The following ST6GALNAC3 variants were observed in gnomAD, a reference collection of about 807,000 sequenced individuals.
The protein encoded by ST6GALNAC3 is ST6 N-acetylgalactosaminide alpha-2,6-sialyltransferase 3, also known as alpha-N-acetylgalactosaminide alpha-2,6-sialyltransferase 3.
A neutral mutation model predicts 32.7 loss-of-function variants in ST6GALNAC3; 25 were observed. That is an observed-to-expected ratio of 0.76 (90% CI 0.56 to 1.07). ST6GALNAC3 has a LOEUF of 1.07. ST6GALNAC3 is among the 50% of genes least tolerant of loss of function. ST6GALNAC3 has a pLI of 0.00. For synonymous variants in ST6GALNAC3, 129 were observed against 133.1 expected, an observed-to-expected ratio of 0.97 and a Z score of 0.21; for missense variants, 355 against 382.4, an observed-to-expected ratio of 0.93 and a Z score of 0.60.
intron 2 of ST6GALNAC3, among the ~76,000 whole-genome samples, chr1:76,365,135 A>G (rs1570976412): frequency 1.3e-5 from 2 of 152,260 alleles, no homozygotes; most frequent in Non-Finnish European, 1.5e-5. Flanking sequence ...ATGGAATACT[A>G]CGCAGCCATA....
At chr1:76,616,965 T>G (rs900296047) in intron 3 of ST6GALNAC3, among the ~76,000 whole-genome samples, 50 of 152,202 alleles carry the variant, frequency 3.3e-4, no homozygotes, top group Non-Finnish European at 6.8e-4. Context: ...TATGTGTGGC[T>G]CATTGCTTAG....
intron 1 of ST6GALNAC3, among the ~76,000 whole-genome samples, chr1:76,151,708 G>T (rs924989900): frequency 6.6e-6 from 1 of 152,220 alleles, no homozygotes; most frequent in African/African-American, 2.4e-5. Context: ...GTAAGGAGGT[G>T]CAGGGGCTGG....
chr1:76,277,603 TATATATATACACACACAC>T (rs1557747351), intron 1 of ST6GALNAC3, among the ~76,000 whole-genome samples: 24 of 59,768 alleles, frequency 4.0e-4, no homozygotes, highest in African/African-American at 2.6e-3. Flanking sequence ...TATATATATA[TATATATATACACACACAC>T]ACACACACAC....
At chr1:76,563,037 T>C (rs1434616681) in intron 3 of ST6GALNAC3, among the ~76,000 whole-genome samples, 1 of 152,214 alleles carries the variant, frequency 6.6e-6, no homozygotes, top group African/African-American at 2.4e-5. Context: ...ACTCCTGTCA[T>C]TCAGTTTAAT....
In ST6GALNAC3 at chr1:76,159,800, A is replaced by G. The variant is rs548957357; in HGVS notation, c.18+84916A>G. Among the ~76,000 whole-genome samples the G allele has an allele frequency of 4.6e-5, 7 of 152,374 alleles. No individual in the cohort carries two copies. In the South Asian group the frequency reaches 1.0e-3, roughly 23 times the overall value. Reference sequence around the variant, plus strand: ...AATTCACAGAATACCTACACATGCCATAAACTGTGCTAAGGGTTTTCCATG... The same window carrying G: ...AATTCACAGAATACCTACACATGCCGTAAACTGTGCTAAGGGTTTTCCATG... On this transcript the variant is annotated intron_variant, in intron 1 of 4. Coordinates refer to ENST00000328299, the MANE Select transcript of ST6GALNAC3 (RefSeq NM_152996.4).
At chr1:76,300,460 A>G (rs183136982) in intron 1 of ST6GALNAC3, among the ~76,000 whole-genome samples, 1 of 152,148 alleles carries the variant, frequency 6.6e-6, no homozygotes, top group South Asian at 2.1e-4. Flanking sequence ...TGATCACTAA[A>G]AAATGGATGT....
At chr1:76,455,578 G>A (rs1368364859) in intron 3 of ST6GALNAC3, among the ~76,000 whole-genome samples, 2 of 152,106 alleles carry the variant, frequency 1.3e-5, no homozygotes, top group African/African-American at 4.8e-5. Flanking sequence ...GTATGGATTT[G>A]GGGCTTTCAG....
chr1:76,434,836 G>A (rs1656028492), intron 3 of ST6GALNAC3, among the ~76,000 whole-genome samples: 1 of 138,134 alleles, frequency 7.2e-6, no homozygotes, highest in Non-Finnish European at 1.5e-5. Flanking sequence ...TGTCACCCAG[G>A]CTGGAATGCA....
At chr1:76,413,204 T>C (rs1654388633) in intron 3 of ST6GALNAC3, among the ~76,000 whole-genome samples, 1 of 152,130 alleles carries the variant, frequency 6.6e-6, no homozygotes, top group African/African-American at 2.4e-5. Context: ...TTGTGTGCCA[T>C]GTTTTCTTTC....
intron 2 of ST6GALNAC3, among the ~76,000 whole-genome samples, chr1:76,361,166 C>G (rs548573153): frequency 6.6e-6 from 1 of 152,028 alleles, no homozygotes; most frequent in South Asian, 2.1e-4. Flanking sequence ...TAAAATAGAT[C>G]TTCAGAAGTT....
At position 76,275,084 on chromosome 1, in the gene ST6GALNAC3, C is replaced by A. The variant is rs1659060590; in HGVS notation, c.19-38721C>A. ...TTCCAAGATGTGTTAAGTGCAATTC[C>A]AGCTTCTCGGCTTTTGATAGATGTT... On this transcript the variant is annotated intron_variant, in intron 1 of 4. Transcript: ENST00000328299. 2.0e-5 allele frequency among the ~76,000 whole-genome samples: 3 copies of A among 152,190 alleles called. 1 individual carries two copies. The highest frequency in any genetic ancestry group is 2.0e-4 in the Admixed American group (3 of 15,276).
At chr1:76,347,354 T>C (rs1351333477) in intron 2 of ST6GALNAC3, among the ~76,000 whole-genome samples, 2 of 152,262 alleles carry the variant, frequency 1.3e-5, no homozygotes, top group East Asian at 3.9e-4. Flanking sequence ...CATCCATTCA[T>C]CCACCCACCC....
chr1:76,599,787 A>T (rs992463181), intron 3 of ST6GALNAC3, among the ~76,000 whole-genome samples: 2 of 150,884 alleles, frequency 1.3e-5, no homozygotes, highest in Admixed American at 6.6e-5. Flanking sequence ...AAATATAGAT[A>T]AATACTTCCA....
chr1:76,248,059 G>A (rs773815185), intron 1 of ST6GALNAC3, among the ~76,000 whole-genome samples: 16 of 152,140 alleles, frequency 1.1e-4, no homozygotes, highest in African/African-American at 2.7e-4. Context: ...TTGGCTGGGC[G>A]AGGGAGGTCC....
chr1:76,557,974 G>A (rs1208060135), intron 3 of ST6GALNAC3, among the ~76,000 whole-genome samples: 1 of 152,042 alleles, frequency 6.6e-6, no homozygotes, highest in Non-Finnish European at 1.5e-5. Flanking sequence ...TTAGTAAGAG[G>A]GAGCTATGGT....
chr1:76,430,709 C>T (rs1655692941), intron 3 of ST6GALNAC3, among the ~76,000 whole-genome samples: 1 of 152,108 alleles, frequency 6.6e-6, no homozygotes, highest in Non-Finnish European at 1.5e-5. Flanking sequence ...ATGTACAGTT[C>T]CAGCTGGCCA....
chr1:76,082,848 A>G (rs1646915609), intron 1 of ST6GALNAC3, among the ~76,000 whole-genome samples: 1 of 151,748 alleles, frequency 6.6e-6, no homozygotes, highest in African/African-American at 2.4e-5. Flanking sequence ...CCAGAAAAAG[A>G]GGATACTTGG....
chr1:76,185,969 G>T (rs1212036473), intron 1 of ST6GALNAC3, among the ~76,000 whole-genome samples: 1 of 152,188 alleles, frequency 6.6e-6, no homozygotes, highest in African/African-American at 2.4e-5. Context: ...AGGAATATGT[G>T]TGTAGGTTAT....
chr1:76,448,007 C>A (rs1244936531), intron 3 of ST6GALNAC3, among the ~76,000 whole-genome samples: 2 of 152,098 alleles, frequency 1.3e-5, no homozygotes, highest in Non-Finnish European at 2.9e-5. Context: ...AATGGTAGAT[C>A]CACCTACAGC....
Sources: allele counts gnomAD v4.1 joint callset (sites outside exome capture counted in the v4.1 genomes callset), GRCh38; gene constraint gnomAD v4.1.1; transcripts MANE v1.5; gene names NCBI Gene and HGNC (gene_info 2026-07-23, HGNC 2026-07-21).